Variants in SHANK2 observed in about 807,000 individuals in gnomAD.
SHANK2 encodes the protein SH3 and multiple ankyrin repeat domains protein 2.
A neutral mutation model predicts 133.7 loss-of-function variants in SHANK2; 43 were observed. That is an observed-to-expected ratio of 0.32 (90% CI 0.25 to 0.41). The LOEUF is 0.41. Among genes scored for constraint, SHANK2 ranks in the 10% least tolerant of loss-of-function variants. The pLI is 1.00. For synonymous variants in SHANK2, 1,017 were observed against 952.8 expected, an observed-to-expected ratio of 1.07 and a Z score of -1.24; for missense variants, 1,994 against 2,235.8, an observed-to-expected ratio of 0.89 and a Z score of 2.18.
At chr11:70,637,077 G>A (rs1385774808) in intron 17 of SHANK2, among the ~76,000 whole-genome samples, 4 of 52,594 alleles carry the variant, frequency 7.6e-5, no homozygotes, top group African/African-American at 2.2e-4. Context: ...GTGTGTGCAC[G>A]TGTGTGTGCA....
chr11:70,712,546 C>T (rs551455547), intron 14 of SHANK2, among the ~76,000 whole-genome samples: 1 of 152,358 alleles, frequency 6.6e-6, no homozygotes, highest in East Asian at 1.9e-4. Context: ...ATGAGGGTGG[C>T]AGAGAAGCGG....
chr11:70,483,290 GT>G (rs1352055927), intron 25 of SHANK2, among the ~76,000 whole-genome samples: 1 of 152,158 alleles, frequency 6.6e-6, no homozygotes, highest in Non-Finnish European at 1.5e-5. Context: ...ATGAGAAAGT[GT>G]TTTGTAAAAA....
intron 14 of SHANK2, among the ~76,000 whole-genome samples, chr11:70,766,120 AAG>A (rs1947117639): frequency 1.3e-5 from 2 of 152,202 alleles, no homozygotes; most frequent in Non-Finnish European, 2.9e-5. Flanking sequence ...ATGTCCTTAA[AAG>A]AGGGAATGTT....
intron 9 of SHANK2, among the ~76,000 whole-genome samples, chr11:71,065,919 G>C (rs1951049849): frequency 8.0e-6 from 1 of 124,852 alleles, no homozygotes; most frequent in Non-Finnish European, 1.7e-5. Flanking sequence ...TGAGCGGTGA[G>C]TGGGGAAGTT....
rs1459245332 is a variant in SHANK2, at chr11:71,142,734, T to C, written c.207+4386A>G. Among the ~76,000 whole-genome samples, 7 of 151,912 alleles carry C rather than the reference T, an allele frequency of 4.6e-5. 1 individual carries two copies. Among genetic ancestry groups the C allele is most frequent in the Admixed American group, 3.9e-4 (6 of 15,266 alleles). ...ACAGAATCTGCAGAGAGAAAGTTTT[T>C]CTAGGAAAAACCAAGAATGCCCAAC... On this transcript the variant is annotated intron_variant, in intron 3 of 25. Transcript: ENST00000601538.
At chr11:70,686,532 TCTCCA>T (rs1158472435) in intron 15 of SHANK2, among the ~76,000 whole-genome samples, 1 of 152,062 alleles carries the variant, frequency 6.6e-6, no homozygotes, top group Non-Finnish European at 1.5e-5. Flanking sequence ...CTCACCTCTC[TCTCCA>T]CTCAACTCTC....
chr11:70,529,606 C>T (rs2135967447), intron 17 of SHANK2, among the ~76,000 whole-genome samples: 2 of 152,316 alleles, frequency 1.3e-5, no homozygotes, highest in Middle Eastern at 6.8e-3. Context: ...ACATTTAGTA[C>T]AGTCATAGCA....
chr11:70,891,925 C>T (rs1949851877), intron 11 of SHANK2, among the ~76,000 whole-genome samples: 1 of 152,178 alleles, frequency 6.6e-6, no homozygotes, highest in Non-Finnish European at 1.5e-5. Flanking sequence ...GGAATCTAGG[C>T]TTTGCAGAGA....
intron 10 of SHANK2, among the ~76,000 whole-genome samples, chr11:70,899,401 G>A (rs376954537): frequency 3.2e-4 from 48 of 152,194 alleles, no homozygotes; most frequent in African/African-American, 8.9e-4. Context: ...CCAGCCATGC[G>A]GAACTGTGTA....
chr11:71,085,428 C>A (rs1458051571), intron 8 of SHANK2, among the ~76,000 whole-genome samples: 2 of 138,886 alleles, frequency 1.4e-5, no homozygotes, highest in African/African-American at 5.4e-5. Flanking sequence ...TTCACCCCAG[C>A]CTGGGCAACA....
At chr11:70,868,346 A>G (rs1949403989) in intron 11 of SHANK2, among the ~76,000 whole-genome samples, 1 of 152,180 alleles carries the variant, frequency 6.6e-6, no homozygotes, top group Non-Finnish European at 1.5e-5. Context: ...AGCCTGGTCA[A>G]GCTGGATAAA....
rs188803860 is a variant in SHANK2, at chr11:70,659,777, G to A, written c.2061+51C>T. The A allele has an allele frequency of 8.2e-4, 1,315 of 1,612,620 alleles. 3 individuals carry two copies. The highest frequency in any genetic ancestry group is 1.4e-3 in the South Asian group (124 of 90,966). On this transcript the variant is annotated intron_variant, in intron 17 of 25. Coordinates refer to ENST00000601538, the MANE Select transcript of SHANK2 (RefSeq NM_012309.5). ...CTGCCAGGACTACGACCCTCTCCCC[G>A]AGAGTCGGCGCTCTCCCCAAGCAGA...
chr11:70,719,398 G>A (rs1013478844), intron 14 of SHANK2, among the ~76,000 whole-genome samples: 6 of 152,204 alleles, frequency 3.9e-5, no homozygotes, highest in South Asian at 2.1e-4. Flanking sequence ...GGACATGGAC[G>A]TCATGGTGCT....
At chr11:71,162,966 G>A (rs1342842411) in intron 2 of SHANK2, among the ~76,000 whole-genome samples, 5 of 150,710 alleles carry the variant, frequency 3.3e-5, no homozygotes, top group African/African-American at 9.8e-5. Flanking sequence ...CCAGCCACTC[G>A]GGAGGCTGAG....
intron 2 of SHANK2, among the ~76,000 whole-genome samples, chr11:71,190,642 G>A (rs1200919661): frequency 1.3e-5 from 2 of 152,204 alleles, no homozygotes; most frequent in African/African-American, 2.4e-5. Flanking sequence ...TTCTGACAAC[G>A]TATGTGCAGA....
In SHANK2 at chr11:71,175,619, C is replaced by T. The variant is rs955746806; in HGVS notation, c.-12-28281G>A. On this transcript the variant is annotated intron_variant, in intron 2 of 25. Coordinates refer to ENST00000601538, the MANE Select transcript of SHANK2 (RefSeq NM_012309.5). The surrounding 1 kb of genome is among the most constrained non-coding windows in gnomAD (Gnocchi z 4.2). ...GAGAGAGAGACAGAGACAGAGACAT[C>T]GCTTCCAGCCAAGATGGAGGAAGGG... 9.0e-5 allele frequency among the ~76,000 whole-genome samples: 13 copies of T among 143,868 alleles called. No homozygotes were observed. Among genetic ancestry groups the T allele is most frequent in the Admixed American group, 8.4e-4 (12 of 14,342 alleles). 94.4% of individuals were successfully genotyped at this position (143,868 alleles called of 152,430 possible).
At chr11:70,558,545 T>G (rs1471006865) in intron 17 of SHANK2, among the ~76,000 whole-genome samples, 10 of 152,320 alleles carry the variant, frequency 6.6e-5, no homozygotes, top group African/African-American at 2.4e-4. Context: ...GTGGCTTACC[T>G]CTCTGTGCCT....
rs71049937 is a variant in SHANK2 at position 70,753,811 on chromosome 11, A to ACTGTGTGTGT, written c.1777+44631_1777+44632insACACACACAG. 1.4e-4 allele frequency among the ~76,000 whole-genome samples: 20 copies of ACTGTGTGTGT among 144,790 alleles called. 2 individuals are homozygous for ACTGTGTGTGT. The highest frequency in any genetic ancestry group is 2.2e-4 in the South Asian group (1 of 4,596). The allele number at this position is 144,790 out of a possible 152,430, so 95.0% of individuals were successfully genotyped here. The stretch of plus-strand genomic sequence containing the variant: ...TGTCTTACATCTATTAAAGATATTA[A>ACTGTGTGTGT]GTGTGTGTGTGTGTGTTTGAGACAG... On this transcript the variant is annotated intron_variant, in intron 14 of 25. Transcript: ENST00000601538.
In SHANK2 at chr11:70,882,844, G is replaced by A. The variant is rs1555072671; in HGVS notation, c.1174+13657C>T. On this transcript the variant is annotated intron_variant, in intron 11 of 25. Coordinates refer to ENST00000601538, the MANE Select transcript of SHANK2 (RefSeq NM_012309.5). This position sits in a 1 kb window ranked among gnomAD's most constrained non-coding sequence, Gnocchi z 4.2. ...TGGTCCTCCAGGAGGGCAGAACTGT[G>A]TGGATTTTGCAGGAGTGAGGGGAGG... Among the ~76,000 whole-genome samples the A allele has an allele frequency of 6.6e-6, 1 of 152,198 alleles. No individual in the cohort carries two copies. Among genetic ancestry groups the A allele is most frequent in the African/African-American group, 2.4e-5 (1 of 41,454 alleles).
Sources: allele counts gnomAD v4.1 joint callset (sites outside exome capture counted in the v4.1 genomes callset), GRCh38; gene constraint gnomAD v4.1.1; non-coding constraint Gnocchi (gnomAD v3.1); transcripts MANE v1.5; gene names NCBI Gene and HGNC (gene_info 2026-07-23, HGNC 2026-07-21).